The following FGFR1 variants were observed in gnomAD, a reference collection of about 807,000 sequenced individuals.
The protein encoded by FGFR1 is FGFR1/PLAG1 fusion.
A neutral mutation model predicts 93.7 loss-of-function variants in FGFR1; 18 were observed. That is an observed-to-expected ratio of 0.19 (90% CI 0.13 to 0.28). The LOEUF is 0.28. Ranked by LOEUF, FGFR1 falls within the 10% of genes least tolerant of loss-of-function variation. FGFR1 has a pLI of 1.00. For synonymous variants in FGFR1, 448 were observed against 429.3 expected (o/e 1.04, Z -0.54); for missense variants, 731 against 1,080.4 (o/e 0.68, Z 4.53).
At chr8:38,438,859 T>C (rs1826347122) in intron 2 of FGFR1, among the ~76,000 whole-genome samples, 1 of 152,184 alleles carries the variant, frequency 6.6e-6, no homozygotes, top group Non-Finnish European at 1.5e-5. Context: ...GTTGGTTGCT[T>C]TGGCCTTATC....
chr8:38,452,613 T>A (rs1040401479), intron 2 of FGFR1, among the ~76,000 whole-genome samples: 5 of 152,170 alleles, frequency 3.3e-5, no homozygotes, highest in Non-Finnish European at 7.4e-5. Context: ...TCCTCCTGCA[T>A]CGGCCTCCTA....
rs536559654 is a variant in FGFR1 at position 38,429,663 on chromosome 8, G to A, written c.358+19C>T. The A allele has an allele frequency of 6.4e-7, 1 of 1,558,994 alleles. No individual in the cohort carries two copies. Among genetic ancestry groups the A allele is most frequent in the Non-Finnish European group, 8.7e-7 (1 of 1,150,988 alleles). On this transcript the variant is annotated intron_variant, in intron 3 of 17. Coordinates refer to ENST00000447712, the MANE Select transcript of FGFR1 (RefSeq NM_023110.3). This position sits in a 1 kb window ranked among gnomAD's most constrained non-coding sequence, Gnocchi z 4.4. ...GGGGTGGGTCTAGGGAGGGGCAAGG[G>A]CAGGGCTTGGCTACCAACCTGAAAC...
Position 38,461,035 on chromosome 8 carries a change from G to A in FGFR1, c.-88-3501C>T, listed in dbSNP as rs2151423908. 10 of 1,531,246 alleles carry A rather than the reference G, an allele frequency of 6.5e-6. No homozygotes were observed. In the South Asian group the frequency reaches 8.3e-5, roughly 13 times the overall value. The allele number at this position is 1,531,246 out of a possible 1,614,324, so 94.9% of individuals were successfully genotyped here. ...ATGCCTGCATGCAGAGGTCCTCGGT[G>A]GGGAGCAGAGAGGGGGCACATCTCA... On this transcript the variant is annotated intron_variant, in intron 1 of 17. Coordinates refer to ENST00000447712, the MANE Select transcript of FGFR1 (RefSeq NM_023110.3).
At position 38,411,413 on chromosome 8, in the gene FGFR1, A is replaced by G. The variant is rs2150475764; in HGVS notation, c.*2215T>C. ...AAAGCAAATGCTTTTAAGAGCTAAA[A>G]ATTCATTTCCTAGTTCTGTTCACCA... On this transcript the variant is annotated 3_prime_UTR_variant, in exon 18 of 18. Coordinates refer to ENST00000447712, the MANE Select transcript of FGFR1 (RefSeq NM_023110.3). 1 of 223,132 alleles carries G rather than the reference A, an allele frequency of 4.5e-6. No individual in the cohort carries two copies. The highest frequency in any genetic ancestry group is 1.4e-3 in the Middle Eastern group (1 of 724). The allele number at this position is 223,132 out of a possible 1,614,324, so 13.8% of individuals were successfully genotyped here. A position where few individuals can be genotyped will look rare whatever the true frequency, so the allele number is the denominator to read the frequency against.
chr8:38,426,190 C>A lies in FGFR1; in HGVS notation c.677G>T (p.Gly226Val), dbSNP rs1246231808. Reference sequence around the variant, plus strand: ...ATTCTCCACAATGCAGGTGTAGTTGCCCTTGTCAGAGGGCACCACAGAGTC... The same window carrying A: ...ATTCTCCACAATGCAGGTGTAGTTGACCTTGTCAGAGGGCACCACAGAGTC... ...IMDSVVPSDK[G>V]NYTCIVENEY... The change falls in exon 6 of 18, where the codon GGC (glycine) becomes GTC (valine). Residue 226 changes from glycine to valine, a missense_variant. By Grantham distance (109) the Gly-to-Val change is moderately radical. This residue lies in a region of FGFR1 where 109 missense variants were observed against 249.4 expected (regional missense o/e 0.44). Transcript: ENST00000447712. This position sits in a 1 kb window ranked among gnomAD's most constrained non-coding sequence, Gnocchi z 4.1. 1 of 1,614,062 alleles carries A rather than the reference C, an allele frequency of 6.2e-7. No homozygotes were observed. Among genetic ancestry groups the A allele is most frequent in the Non-Finnish European group, 8.5e-7 (1 of 1,180,040 alleles).
intron 2 of FGFR1, among the ~76,000 whole-genome samples, chr8:38,446,437 C>T (rs1312491491): frequency 6.6e-6 from 1 of 151,770 alleles, no homozygotes; most frequent in African/African-American, 2.4e-5. Context: ...TCTCGAACTC[C>T]TGAGCTCAGG....
chr8:38,418,059 T>A (rs2150662971), intron 10 of FGFR1, 68 bp from the exon 11 acceptor site: 2 of 1,610,974 alleles, frequency 1.2e-6, no homozygotes, highest in East Asian at 4.5e-5. Flanking sequence ...AGGCACCCCA[T>A]CTCCACCTCT....
At chr8:38,428,246 C>A (rs996431766) in intron 4 of FGFR1, 100 bp downstream of exon 4, 35 of 1,459,982 alleles carry the variant, frequency 2.4e-5, no homozygotes, top group Non-Finnish European at 2.0e-5. Flanking sequence ...GGCACCGTGA[C>A]CCCATGTGCC....
In FGFR1 at chr8:38,429,933, G is replaced by A. The variant is rs1424869652; in HGVS notation, c.107C>T (p.Ala36Val). 1 of 1,609,068 alleles carries A rather than the reference G, an allele frequency of 6.2e-7. No individual in the cohort carries two copies. The highest frequency in any genetic ancestry group is 8.5e-7 in the Non-Finnish European group (1 of 1,177,330). ...TLPEQAQPWG[A>V]PVEVESFLVH... ...CAGGAAGGACTCCACTTCCACAGGGGCTCCCCAGGGCTGGGCTGCAGCCAC... is the reference window on the plus strand; with the variant it reads ...CAGGAAGGACTCCACTTCCACAGGGACTCCCCAGGGCTGGGCTGCAGCCAC... The change falls in exon 3 of 18, where the codon GCC becomes GTC. Residue 36 changes from alanine to valine, a missense_variant. Transcript: ENST00000447712. The surrounding 1 kb of genome is among the most constrained non-coding windows in gnomAD (Gnocchi z 4.4).
chr8:38,466,356 A>T (rs1563655416), intron 1 of FGFR1, among the ~76,000 whole-genome samples: 1 of 152,234 alleles, frequency 6.6e-6, no homozygotes, highest in African/African-American at 2.4e-5. Context: ...AAGGGAGAGA[A>T]AGCAACGCTT....
At chr8:38,435,270 C>T (rs901119385) in intron 2 of FGFR1, 3 of 152,240 alleles carry the variant, frequency 2.0e-5, no homozygotes, top group African/African-American at 7.2e-5. Flanking sequence ...CAGTGCCTAA[C>T]AATGTCAAAA....
At chr8:38,445,761 G>A (rs561782516) in intron 2 of FGFR1, among the ~76,000 whole-genome samples, 1 of 150,976 alleles carries the variant, frequency 6.6e-6, no homozygotes, top group Admixed American at 6.6e-5. Context: ...GGCTGGGCTT[G>A]AACTCCTGAC....
rs1249641492 is a variant in FGFR1, at chr8:38,429,066, A to AGT, written c.358+615_358+616insAC. 5.8e-6 allele frequency: 2 copies of AGT among 347,598 alleles called. No individual in the cohort carries two copies. Among genetic ancestry groups the AGT allele is most frequent in the Non-Finnish European group, 1.1e-5 (2 of 175,968 alleles). The allele number at this position is 347,598 out of a possible 1,614,324, so 21.5% of individuals were successfully genotyped here. On this transcript the variant is annotated intron_variant, in intron 3 of 17. Coordinates refer to ENST00000447712, the MANE Select transcript of FGFR1 (RefSeq NM_023110.3). The surrounding 1 kb of genome is among the most constrained non-coding windows in gnomAD (Gnocchi z 4.4). ...AGATCTTTCTCCAGTCCTTCCTATC[A>AGT]CCTTTGGGGATCTGCTGCCAAGTCC...
intron 1 of FGFR1, among the ~76,000 whole-genome samples, chr8:38,458,085 A>C (rs1442262870): frequency 6.6e-6 from 1 of 152,204 alleles, no homozygotes; most frequent in African/African-American, 2.4e-5. Context: ...GAATACCATC[A>C]TGAGGTTTTC....
intron 1 of FGFR1, 24 bp from the exon 2 acceptor site, chr8:38,457,558 A>G (rs755102137): frequency 1.9e-6 from 3 of 1,554,976 alleles, no homozygotes; most frequent in Middle Eastern, 3.3e-4. Context: ...AAAAACCCCA[A>G]AAGTTAGGAG....
chr8:38,442,895 C>A (rs1372418780), intron 2 of FGFR1, among the ~76,000 whole-genome samples: 1 of 152,228 alleles, frequency 6.6e-6, no homozygotes, highest in African/African-American at 2.4e-5. Flanking sequence ...CTGCCATATC[C>A]CCGCAATCCC....
intron 1 of FGFR1, chr8:38,459,042 T>A (rs1269730741): frequency 1.3e-5 from 3 of 228,482 alleles, no homozygotes; most frequent in African/African-American, 6.7e-5. Context: ...AAGAACAGAA[T>A]CTGCAGCCCT....
In FGFR1 at chr8:38,429,357, G is replaced by C; in HGVS notation, c.358+325C>G. ...GGGAGTGATGGAGTGGAAGCTGGCC[G>C]AGCACCACTTAGCCTCCTGGAGATC... On this transcript the variant is annotated intron_variant, in intron 3 of 17. Transcript: ENST00000447712. This position sits in a 1 kb window ranked among gnomAD's most constrained non-coding sequence, Gnocchi z 4.4. 3 of 631,474 alleles carry C rather than the reference G, an allele frequency of 4.8e-6. No individual in the cohort carries two copies. Among genetic ancestry groups the C allele is most frequent in the South Asian group, 4.2e-5 (3 of 71,556 alleles). The allele number at this position is 631,474 out of a possible 1,614,324, so 39.1% of individuals were successfully genotyped here.
intron 5 of FGFR1, among the ~76,000 whole-genome samples, chr8:38,427,405 A>G (rs190594538): frequency 3.3e-5 from 5 of 152,252 alleles, no homozygotes; most frequent in Admixed American, 3.3e-4. Context: ...CAGCCTCCCC[A>G]GTAGCTGGGA....
Sources: gnomAD v4.1 joint callset for allele counts (sites outside exome capture counted in the v4.1 genomes callset) on GRCh38, gnomAD v4.1.1 for gene constraint, gnomAD v4.1.1 regional missense constraint, Gnocchi (gnomAD v3.1) non-coding constraint, MANE v1.5 for transcripts, NCBI Gene and HGNC (gene_info 2026-07-23, HGNC 2026-07-21) for gene names.